Variants in NOXRED1 observed in about 807,000 individuals in gnomAD.
NOXRED1 encodes NADP dependent oxidoreductase domain containing 1.
Under a neutral mutation model 30.4 loss-of-function variants are expected in NOXRED1, and 20 were observed. That is an observed-to-expected ratio of 0.66 (90% confidence interval 0.46 to 0.96). The LOEUF (loss-of-function observed/expected upper bound fraction) is 0.96. NOXRED1 is among the 40% of genes least tolerant of loss of function. NOXRED1 has a pLI of 0.00. For synonymous variants in NOXRED1, 155 were observed against 168.0 expected (o/e 0.92, Z 0.60); for missense variants, 374 against 428.0 (o/e 0.87, Z 1.11).
At chr14:77,399,463 A>G (rs146430621) in intron 5 of NOXRED1, among the ~76,000 whole-genome samples, 2 of 152,250 alleles carry the variant, frequency 1.3e-5, no homozygotes, top group Admixed American at 6.5e-5. Context: ...AAATAAAATA[A>G]CTATGACTAA....
intron 2 of NOXRED1, among the ~76,000 whole-genome samples, chr14:77,408,205 G>T (rs1168791161): frequency 1.3e-5 from 2 of 152,008 alleles, no homozygotes; most frequent in African/African-American, 4.8e-5. Context: ...ATCAAGTGCT[G>T]GAATTTTTCC....
At chr14:77,415,647 CATATAG>C (rs1417157452) in intron 1 of NOXRED1, among the ~76,000 whole-genome samples, 2 of 149,928 alleles carry the variant, frequency 1.3e-5, no homozygotes, top group African/African-American at 2.4e-5. Flanking sequence ...GACAGACAGA[CATATAG>C]ATATAGTTGT....
In NOXRED1 at chr14:77,414,008, G is replaced by A; in HGVS notation, c.275C>T (p.Ala92Val). The change falls in exon 2 of 6, where the codon GCT (alanine) becomes GTT (valine). Residue 92 changes from alanine (A) to valine (V), a missense_variant. By Grantham distance (64) the Ala-to-Val change is moderately conservative. Coordinates refer to ENST00000380835, the MANE Select transcript of NOXRED1 (RefSeq NM_001113475.3). The stretch of plus-strand genomic sequence containing the variant: ...GGGGCCAAGCTGCAGCAGTGTGCCA[G>A]CCAGCTGCTTCCCAAGGTGGCCACC... Reference protein sequence around the residue: ...IGGGHLGKQLAGTLLQLGPIP... With the variant: ...IGGGHLGKQLVGTLLQLGPIP... The A allele has an allele frequency of 2.5e-6, 4 of 1,612,382 alleles. No individual in the cohort carries two copies.
At chr14:77,409,685 CAT>C (rs1894590357) in intron 2 of NOXRED1, among the ~76,000 whole-genome samples, 1 of 152,118 alleles carries the variant, frequency 6.6e-6, no homozygotes, top group African/African-American at 2.4e-5. Flanking sequence ...TTACACAACA[CAT>C]AGTGATATTT....
At chr14:77,409,565 C>G (rs1894587462) in intron 2 of NOXRED1, among the ~76,000 whole-genome samples, 1 of 152,126 alleles carries the variant, frequency 6.6e-6, no homozygotes, top group African/African-American at 2.4e-5. Flanking sequence ...CAGACTAATA[C>G]AACAGGACAA....
Position 77,406,776 on chromosome 14 carries a change from A to G in NOXRED1, c.630T>C (p.Ala210=). The stretch of plus-strand genomic sequence containing the variant: ...GAAGAATCGTAGGATCTTGGAGAGC[A>G]GCTATGACTCCCTTATTGGCCCCCC... The part of the protein sequence containing the change: ...SVWGANKGVI[A]ALQDPTILQA... Residue 210 remains alanine (A), a synonymous_variant, in exon 4 of 6, where the codon GCT becomes GCC. Transcript: ENST00000380835. 1 of 1,614,078 alleles carries G rather than the reference A, an allele frequency of 6.2e-7. No individual in the cohort carries two copies. Among genetic ancestry groups the G allele is most frequent in the Non-Finnish European group, 8.5e-7 (1 of 1,179,898 alleles).
intron 1 of NOXRED1, among the ~76,000 whole-genome samples, 167 bp from the exon 2 acceptor site, chr14:77,414,294 GC>G (rs1894753699): frequency 6.7e-6 from 1 of 150,054 alleles, no homozygotes; most frequent in Non-Finnish European, 1.5e-5. Context: ...CCATTCTCCT[GC>G]CTGTCTCCCG....
chr14:77,407,969 G>A (rs1894527188), intron 2 of NOXRED1, among the ~76,000 whole-genome samples: 1 of 149,758 alleles, frequency 6.7e-6, no homozygotes, highest in Non-Finnish European at 1.5e-5. Flanking sequence ...CCGGGTTCAA[G>A]CGATTCTCCT....
intron 1 of NOXRED1, among the ~76,000 whole-genome samples, chr14:77,419,070 C>CTTTTTTTTTTTTTTTTTT (rs547826435): frequency 7.2e-6 from 1 of 139,226 alleles, no homozygotes; most frequent in Non-Finnish European, 1.5e-5. Flanking sequence ...CTTTCTTTCT[C>CTTTTTTTTTTTTTTTTTT]TTTTTTTTTT....
chr14:77,400,419 C>T (rs1351104745), intron 5 of NOXRED1, among the ~76,000 whole-genome samples: 2 of 152,144 alleles, frequency 1.3e-5, no homozygotes, highest in South Asian at 2.1e-4. Flanking sequence ...GCTATGTGCC[C>T]GTGACACAGC....
At position 77,422,755 on chromosome 14, in the gene NOXRED1, G is replaced by A. The variant is rs1895031410; in HGVS notation, c.135C>T (p.Cys45=). 1 of 1,614,090 alleles carries A rather than the reference G, an allele frequency of 6.2e-7. No homozygotes were observed. Residue 45 remains cysteine (C), a synonymous_variant, in exon 1 of 6, where the codon TGC becomes TGT. Transcript: ENST00000380835. Reference sequence around the variant, plus strand: ...CTTACCTCAAATTATATAATAGTTTGCAGAAGAAGGTTGCATGGGCACAAG... The same window carrying A: ...CTTACCTCAAATTATATAATAGTTTACAGAAGAAGGTTGCATGGGCACAAG... ...IEACAHATFF[C]KLLYNLRASL...
At chr14:77,415,080 G>A (rs1250642697) in intron 1 of NOXRED1, among the ~76,000 whole-genome samples, 3 of 152,098 alleles carry the variant, frequency 2.0e-5, no homozygotes, top group African/African-American at 4.8e-5. Flanking sequence ...GGAGGCTGAG[G>A]TGGGAGGATT....
At chr14:77,398,283 G>C (rs959246345) in intron 5 of NOXRED1, among the ~76,000 whole-genome samples, 2 of 152,208 alleles carry the variant, frequency 1.3e-5, no homozygotes, top group African/African-American at 4.8e-5. Context: ...CAGGTTCTCA[G>C]TGATATCTGA....
intron 2 of NOXRED1, among the ~76,000 whole-genome samples, chr14:77,408,728 G>A (rs1164399374): frequency 1.3e-5 from 2 of 151,962 alleles, no homozygotes; most frequent in African/African-American, 2.4e-5. Flanking sequence ...TTGAGGTGGT[G>A]GAAAAGACTA....
In NOXRED1 at chr14:77,423,256, A is replaced by G. The variant is rs572056016; in HGVS notation, c.-367T>C. Among the ~76,000 whole-genome samples the G allele has an allele frequency of 1.1e-4, 16 of 152,318 alleles. No homozygotes were observed. The highest frequency in any genetic ancestry group is 2.6e-4 in the Admixed American group (4 of 15,302). On this transcript the variant is annotated 5_prime_UTR_variant, in exon 1 of 6. Transcript: ENST00000380835. ...GTTTTACAGGTATTCTTGGGCCAGGACGTTTTCCCTTCCATTCCCTCCTGC... is the reference window on the plus strand; with the variant it reads ...GTTTTACAGGTATTCTTGGGCCAGGGCGTTTTCCCTTCCATTCCCTCCTGC...
intron 2 of NOXRED1, among the ~76,000 whole-genome samples, chr14:77,411,716 A>C (rs1894657580): frequency 6.6e-6 from 1 of 152,182 alleles, no homozygotes; most frequent in Non-Finnish European, 1.5e-5. Context: ...TACGTTCATT[A>C]CCTTGTGATG....
Position 77,406,042 on chromosome 14 carries a change from A to T in NOXRED1, c.776T>A (p.Leu259Gln), listed in dbSNP as rs1894449504. The T allele has an allele frequency of 6.2e-7, 1 of 1,613,680 alleles. No homozygotes were observed. Among genetic ancestry groups the T allele is most frequent in the East Asian group, 2.2e-5 (1 of 44,896 alleles). Residue 259 changes from leucine to glutamine, a missense_variant, in exon 5 of 6, where the codon CTG becomes CAG. Physicochemically the swap from Leu to Gln is moderately radical, Grantham distance 113. Transcript: ENST00000380835. ...TARNMAHSQV[L>Q]QLLSELFLSV... ...GAGAAAGAGTTCACTCAGAAGCTGC[A>T]GCACTTGGGAGTGGGCCATGTTTCT...
At chr14:77,397,231 A>G (rs1187927791) in intron 5 of NOXRED1, among the ~76,000 whole-genome samples, 1 of 152,256 alleles carries the variant, frequency 6.6e-6, no homozygotes, top group Non-Finnish European at 1.5e-5. Flanking sequence ...GCCAACTATT[A>G]ATACACATAA....
intron 1 of NOXRED1, among the ~76,000 whole-genome samples, chr14:77,416,529 C>T (rs986149488): frequency 2.0e-5 from 3 of 149,448 alleles, no homozygotes; most frequent in Non-Finnish European, 4.5e-5. Context: ...GTAAGGTCAC[C>T]GATCAACAGG....
Sources: gnomAD v4.1 joint callset for allele counts (sites outside exome capture counted in the v4.1 genomes callset) on GRCh38, gnomAD v4.1.1 for gene constraint, MANE v1.5 for transcripts, NCBI Gene and HGNC (gene_info 2026-07-23, HGNC 2026-07-21) for gene names.